Variants in CSMD1 observed in about 807,000 individuals in gnomAD.
The protein encoded by CSMD1 is CUB and Sushi multiple domains 1.
Under a neutral mutation model 417.5 loss-of-function variants are expected in CSMD1, and 213 were observed. The ratio of observed to expected loss-of-function variants is 0.51; its 90% CI spans 0.46 to 0.57. The LOEUF is 0.57. Among genes scored for constraint, CSMD1 ranks in the 20% least tolerant of loss-of-function variants. The pLI, the probability that CSMD1 is intolerant of heterozygous loss-of-function variation, is 0.00. For missense variants in CSMD1, 6,923 were observed against 4,529.7 expected, an observed-to-expected ratio of 1.53 and a Z score of -15.17; for synonymous variants, 2,862 against 1,736.8, an observed-to-expected ratio of 1.65 and a Z score of -16.11.
At chr8:4,383,958 A>T (rs1022616912) in intron 3 of CSMD1, among the ~76,000 whole-genome samples, 3 of 152,226 alleles carry the variant, frequency 2.0e-5, no homozygotes, top group African/African-American at 7.2e-5. Flanking sequence ...TTATGGAAAC[A>T]GCTCTCTCAA....
At chr8:3,787,094 A>C (rs2720876) in intron 5 of CSMD1, among the ~76,000 whole-genome samples, 151,896 of 152,248 alleles carry the variant, frequency 1, 75,773 homozygotes, top group Middle Eastern at 1. Flanking sequence ...GGTTAAACCA[A>C]GCTTTATGGT....
At chr8:2,955,065 T>G (rs754774548) in intron 64 of CSMD1, among the ~76,000 whole-genome samples, 3 of 152,218 alleles carry the variant, frequency 2.0e-5, no homozygotes, top group Non-Finnish European at 4.4e-5. Context: ...AAATTTGTAA[T>G]TAATGGATCG....
intron 5 of CSMD1, among the ~76,000 whole-genome samples, chr8:3,782,886 T>C (rs1205687116): frequency 6.6e-6 from 1 of 152,084 alleles, no homozygotes; most frequent in Non-Finnish European, 1.5e-5. Flanking sequence ...CCGTGAGCCA[T>C]TACCAAAAAA....
intron 2 of CSMD1, among the ~76,000 whole-genome samples, chr8:4,581,869 C>G (rs1470043855): frequency 6.6e-6 from 1 of 152,210 alleles, no homozygotes; most frequent in African/African-American, 2.4e-5. Context: ...CTTCTACCTC[C>G]TCCAGATCTG....
chr8:4,937,546 C>T (rs1315816261), intron 1 of CSMD1, among the ~76,000 whole-genome samples: 1 of 152,132 alleles, frequency 6.6e-6, no homozygotes, highest in Non-Finnish European at 1.5e-5. Flanking sequence ...CTTACAGTAC[C>T]AAATTCCTCT....
At chr8:3,982,701 C>G (rs1224914502) in intron 5 of CSMD1, among the ~76,000 whole-genome samples, 1 of 151,786 alleles carries the variant, frequency 6.6e-6, no homozygotes, top group Non-Finnish European at 1.5e-5. Flanking sequence ...CTCATAAGAT[C>G]AGGAGGCAGA....
intron 7 of CSMD1, among the ~76,000 whole-genome samples, chr8:3,686,885 G>A (rs991209732): frequency 6.6e-6 from 1 of 152,044 alleles, no homozygotes; most frequent in Admixed American, 6.6e-5. Context: ...TTCTTATGTC[G>A]ATTTCATTCT....
At chr8:4,456,215 C>T (rs1382900900) in intron 2 of CSMD1, among the ~76,000 whole-genome samples, 1 of 151,658 alleles carries the variant, frequency 6.6e-6, no homozygotes, top group Non-Finnish European at 1.5e-5. Context: ...AAAGCTTGGG[C>T]CAATTGGTTC....
intron 1 of CSMD1, among the ~76,000 whole-genome samples, chr8:4,973,647 A>G (rs186068567): frequency 1.5e-3 from 229 of 152,334 alleles, no homozygotes; most frequent in Non-Finnish European, 1.5e-3. Flanking sequence ...GCCATTAAGT[A>G]CACTCTATTG....
chr8:4,600,904 A>C (rs1800544741), intron 2 of CSMD1, among the ~76,000 whole-genome samples: 1 of 152,218 alleles, frequency 6.6e-6, no homozygotes, highest in Non-Finnish European at 1.5e-5. Flanking sequence ...AAGCTAAGAA[A>C]AATATTAAAG....
intron 6 of CSMD1, among the ~76,000 whole-genome samples, chr8:3,746,558 C>G (rs1447076977): frequency 6.6e-6 from 1 of 152,164 alleles, no homozygotes; most frequent in Non-Finnish European, 1.5e-5. Flanking sequence ...GGCATGAACT[C>G]AAATGTTCAT....
At chr8:3,196,274 G>T (rs1796697841) in intron 33 of CSMD1, among the ~76,000 whole-genome samples, 1 of 152,124 alleles carries the variant, frequency 6.6e-6, no homozygotes, top group Non-Finnish European at 1.5e-5. Context: ...CTAGTTAAAG[G>T]AATTGTCTAC....
chr8:2,966,531 T>C (rs759401337), intron 58 of CSMD1, 39 bp downstream of exon 58: 24 of 1,572,404 alleles, frequency 1.5e-5, no homozygotes, highest in Non-Finnish European at 2.1e-5. Context: ...GTGAATTTCA[T>C]AGTAACGTCT....
At chr8:3,898,862 C>G (rs1243538507) in intron 5 of CSMD1, among the ~76,000 whole-genome samples, 31 of 152,002 alleles carry the variant, frequency 2.0e-4, no homozygotes, top group East Asian at 1.9e-4. Flanking sequence ...GCTGATAGCC[C>G]CAATACTCTG....
chr8:4,027,604 C>T (rs927380213), intron 4 of CSMD1, among the ~76,000 whole-genome samples: 4 of 152,182 alleles, frequency 2.6e-5, no homozygotes, highest in African/African-American at 7.2e-5. Flanking sequence ...CCATGCAGAA[C>T]TGTGAGTGAA....
Position 3,142,669 on chromosome 8 carries a change from G to T in CSMD1, c.6037C>A (p.His2013Asn). The T allele has an allele frequency of 6.2e-7, 1 of 1,609,366 alleles. No homozygotes were observed. The highest frequency in any genetic ancestry group is 8.5e-7 in the Non-Finnish European group (1 of 1,175,698). Residue 2013 changes from histidine to asparagine, a missense_variant, in exon 41 of 70, where the codon CAT becomes AAT. Coordinates refer to ENST00000635120, the MANE Select transcript of CSMD1 (RefSeq NM_033225.6). Reference sequence around the variant, plus strand: ...GTAGAAAAATTCAGAAACTGAATATGTGCACCTATGGAAAAACATGCAAAC... The same window carrying T: ...GTAGAAAAATTCAGAAACTGAATATTTGCACCTATGGAAAAACATGCAAAC... Reference protein sequence around the residue: ...RISLPIGYGAHIQFLNFSTEA... With the variant: ...RISLPIGYGANIQFLNFSTEA...
intron 7 of CSMD1, among the ~76,000 whole-genome samples, chr8:3,696,043 A>G (rs1196935776): frequency 3.3e-5 from 5 of 151,892 alleles, no homozygotes; most frequent in African/African-American, 4.8e-5. Flanking sequence ...GCACACGTGC[A>G]AAAAAAAGCT....
At chr8:3,809,153 AG>A (rs1332124488) in intron 5 of CSMD1, among the ~76,000 whole-genome samples, 1 of 152,028 alleles carries the variant, frequency 6.6e-6, no homozygotes, top group African/African-American at 2.4e-5. Flanking sequence ...TTCCCCTTCC[AG>A]CCCCCACAGA....
At chr8:3,251,728 T>A (rs538284981) in intron 26 of CSMD1, among the ~76,000 whole-genome samples, 1 of 152,088 alleles carries the variant, frequency 6.6e-6, no homozygotes, top group African/African-American at 2.4e-5. Context: ...TTTGTCTCCT[T>A]TTTTATTTCA....
Sources: allele counts gnomAD v4.1 joint callset (sites outside exome capture counted in the v4.1 genomes callset), GRCh38; gene constraint gnomAD v4.1.1; transcripts MANE v1.5; gene names NCBI Gene and HGNC (gene_info 2026-07-23, HGNC 2026-07-21).